CARMIL1: variants seen among roughly 807,000 people sequenced by gnomAD.
The protein encoded by CARMIL1 is F-actin-uncapping protein LRRC16A.
Under a neutral mutation model 177.1 loss-of-function variants are expected in CARMIL1, and 90 were observed. That is an observed-to-expected ratio of 0.51 (90% confidence interval 0.43 to 0.61). CARMIL1 has a LOEUF of 0.61. Ranked by LOEUF, CARMIL1 falls within the 20% of genes least tolerant of loss-of-function variation. The pLI is 0.00. For missense variants in CARMIL1, 1,380 were observed against 1,667.0 expected (o/e 0.83, Z 3.00); for synonymous variants, 577 against 606.2 (o/e 0.95, Z 0.71).
intron 24 of CARMIL1, among the ~76,000 whole-genome samples, chr6:25,533,336 C>T (rs1045747355): frequency 1.3e-5 from 2 of 152,108 alleles, no homozygotes; most frequent in Non-Finnish European, 2.9e-5. Flanking sequence ...GTCAGATGAC[C>T]CCAGATGTAA....
intron 2 of CARMIL1, among the ~76,000 whole-genome samples, chr6:25,382,936 T>C (rs561083719): frequency 5.9e-5 from 9 of 152,244 alleles, no homozygotes; most frequent in East Asian, 1.9e-4. Context: ...TGCCTGGCCT[T>C]ATATTTCTTA....
chr6:25,567,805 A>G (rs1811686800), intron 29 of CARMIL1, among the ~76,000 whole-genome samples: 1 of 152,180 alleles, frequency 6.6e-6, no homozygotes, highest in Non-Finnish European at 1.5e-5. Context: ...ATTCTGTCTA[A>G]ATTTCTAATT....
rs1781408069 is a variant in CARMIL1 at position 25,284,795 on chromosome 6, T to C, written c.41-17T>C. Reference sequence around the variant, plus strand: ...GCTTTTTTTCTTATTAATAACATAATTCCTTTTTTTTTTCAGAAAGCATAA... The same window carrying C: ...GCTTTTTTTCTTATTAATAACATAACTCCTTTTTTTTTTCAGAAAGCATAA... On this transcript the variant is annotated splice_polypyrimidine_tract_variant and intron_variant, in intron 1 of 36. Transcript: ENST00000329474. 1.4e-6 allele frequency: 2 copies of C among 1,382,648 alleles called. No homozygotes were observed. The highest frequency in any genetic ancestry group is 2.0e-6 in the Non-Finnish European group (2 of 997,164). 85.6% of individuals were successfully genotyped at this position (1,382,648 alleles called of 1,614,324 possible).
At chr6:25,285,803 G>T (rs928304889) in intron 2 of CARMIL1, among the ~76,000 whole-genome samples, 3 of 148,560 alleles carry the variant, frequency 2.0e-5, no homozygotes, top group African/African-American at 7.4e-5. Flanking sequence ...TGTTGTTGCT[G>T]TTTTTTTTTT....
intron 17 of CARMIL1, among the ~76,000 whole-genome samples, chr6:25,500,789 A>G (rs1804237310): frequency 6.6e-6 from 1 of 151,294 alleles, no homozygotes; most frequent in Non-Finnish European, 1.5e-5. Flanking sequence ...TTTTTTTGAG[A>G]TGGAGTTTTG....
At chr6:25,346,460 T>C (rs925866277) in intron 2 of CARMIL1, among the ~76,000 whole-genome samples, 7 of 152,222 alleles carry the variant, frequency 4.6e-5, no homozygotes, top group African/African-American at 1.7e-4. Flanking sequence ...CAGTGAGGAC[T>C]TCCCTGGCCA....
At chr6:25,532,254 T>C (rs1317324639) in intron 24 of CARMIL1, among the ~76,000 whole-genome samples, 1 of 151,738 alleles carries the variant, frequency 6.6e-6, no homozygotes, top group Non-Finnish European at 1.5e-5. Flanking sequence ...TCCAACTTTT[T>C]CCCCCTAATT....
intron 2 of CARMIL1, among the ~76,000 whole-genome samples, chr6:25,372,347 T>C (rs752852227): frequency 2.0e-5 from 3 of 152,216 alleles, no homozygotes; most frequent in South Asian, 2.1e-4. Flanking sequence ...TATGGCCATT[T>C]TCATGAAATT....
At chr6:25,460,677 A>G (rs1240380852) in intron 8 of CARMIL1, among the ~76,000 whole-genome samples, 2 of 152,248 alleles carry the variant, frequency 1.3e-5, no homozygotes, top group Non-Finnish European at 2.9e-5. Context: ...TGGTATGTGT[A>G]GCTATAATTT....
At chr6:25,617,600 TACCAC>T (rs1394228051) in intron 36 of CARMIL1, among the ~76,000 whole-genome samples, 1 of 152,228 alleles carries the variant, frequency 6.6e-6, no homozygotes, top group Non-Finnish European at 1.5e-5. Context: ...TTCTAGCAGA[TACCAC>T]AAGAAATGCT....
At chr6:25,476,041 G>A (rs768126950) in intron 11 of CARMIL1, among the ~76,000 whole-genome samples, 24 of 152,106 alleles carry the variant, frequency 1.6e-4, no homozygotes, top group African/African-American at 2.7e-4. Flanking sequence ...GTAAGACTTC[G>A]TCCACAATCA....
At chr6:25,478,833 C>T (rs1408505283) in intron 11 of CARMIL1, among the ~76,000 whole-genome samples, 1 of 151,342 alleles carries the variant, frequency 6.6e-6, no homozygotes, top group Non-Finnish European at 1.5e-5. Flanking sequence ...AGATTTAGGG[C>T]GTTTAAAAGT....
At chr6:25,618,278 A>G (rs1485875437) in intron 36 of CARMIL1, among the ~76,000 whole-genome samples, 1 of 150,172 alleles carries the variant, frequency 6.7e-6, no homozygotes, top group Non-Finnish European at 1.5e-5. Flanking sequence ...TTTTTTTAGC[A>G]GAATGCAAAA....
chr6:25,385,751 T>C (rs1792092579), intron 2 of CARMIL1, among the ~76,000 whole-genome samples: 1 of 152,226 alleles, frequency 6.6e-6, no homozygotes, highest in Non-Finnish European at 1.5e-5. Flanking sequence ...GCCTCTTTCA[T>C]GGTGCAAATT....
At chr6:25,563,102 A>T in intron 29 of CARMIL1, 1 of 351,534 alleles carries the variant, frequency 2.8e-6, no homozygotes, top group Non-Finnish European at 4.0e-6. Flanking sequence ...TAAGTTATTT[A>T]CAAGCAGTCA....
rs1808462203 is a variant in CARMIL1 at position 25,537,886 on chromosome 6, A to G, written c.2099A>G (p.Asp700Gly). ...GACAGAATATGTGTGAAAGTACAAG[A>G]TCATCTCAACTCCTTACGAAATTGT... ...MIDRICVKVQ[D>G]HLNSLRNCGG... Residue 700 changes from aspartate (D) to glycine (G), a missense_variant, in exon 25 of 37, where the codon GAT (aspartate) becomes GGT (glycine). Coordinates refer to ENST00000329474, the MANE Select transcript of CARMIL1 (RefSeq NM_017640.6). 1 of 1,610,466 alleles carries G rather than the reference A, an allele frequency of 6.2e-7. No homozygotes were observed. The highest frequency in any genetic ancestry group is 1.3e-5 in the African/African-American group (1 of 74,888).
intron 1 of CARMIL1, among the ~76,000 whole-genome samples, chr6:25,280,944 T>C (rs1280230686): frequency 2.0e-5 from 3 of 152,066 alleles, no homozygotes; most frequent in African/African-American, 7.2e-5. Context: ...TTTTAGCTAA[T>C]AATACTTTGG....
At position 25,541,891 on chromosome 6, in the gene CARMIL1, T is replaced by G. The variant is rs142461934; in HGVS notation, c.2328+1813T>G. ...CTGGTCTCAAACTCCTGACGTCAGCTCAAGTGATTTGCTTGCCTTTGCCTC... is the reference window on the plus strand; with the variant it reads ...CTGGTCTCAAACTCCTGACGTCAGCGCAAGTGATTTGCTTGCCTTTGCCTC... On this transcript the variant is annotated intron_variant, in intron 26 of 36. Coordinates refer to ENST00000329474, the MANE Select transcript of CARMIL1 (RefSeq NM_017640.6). 3.2e-3 allele frequency among the ~76,000 whole-genome samples: 489 copies of G among 152,302 alleles called. 7 individuals carry two copies. The highest frequency in any genetic ancestry group is 7.0e-3 in the Admixed American group (107 of 15,294).
rs1417413334 is a variant in CARMIL1 at position 25,509,499 on chromosome 6, AC to A, written c.1396-154del. ...AGCAATGGCTAGTGATAGGCTCTTT[AC>A]CCACTGATAATAGCTTCTTTGGAGT... On this transcript the variant is annotated intron_variant, in intron 17 of 36. Transcript: ENST00000329474. This position sits in a 1 kb window ranked among gnomAD's most constrained non-coding sequence, Gnocchi z 4.1. Among the ~76,000 whole-genome samples the A allele has an allele frequency of 3.3e-5, 5 of 152,138 alleles. No homozygotes were observed. Among genetic ancestry groups the A allele is most frequent in the Admixed American group, 1.3e-4 (2 of 15,278 alleles).
Sources: allele counts gnomAD v4.1 joint callset (sites outside exome capture counted in the v4.1 genomes callset), GRCh38; gene constraint gnomAD v4.1.1; non-coding constraint Gnocchi (gnomAD v3.1); transcripts MANE v1.5; gene names NCBI Gene and HGNC (gene_info 2026-07-23, HGNC 2026-07-21).